Variants in PTPN14 observed in about 807,000 individuals in gnomAD.
PTPN14 encodes the protein protein tyrosine phosphatase non-receptor type 14.
A neutral mutation model predicts 126.8 loss-of-function variants in PTPN14; 53 were observed. The ratio of observed to expected loss-of-function variants is 0.42; its 90% CI spans 0.34 to 0.53. PTPN14 has a LOEUF of 0.53. Among genes scored for constraint, PTPN14 ranks in the 20% least tolerant of loss-of-function variants. The pLI is 0.08. For synonymous variants in PTPN14, 630 were observed against 599.3 expected (o/e 1.05, Z -0.75); for missense variants, 1,257 against 1,552.9 (o/e 0.81, Z 3.20).
At chr1:214,452,538 A>G (rs939289079) in intron 2 of PTPN14, among the ~76,000 whole-genome samples, 4 of 152,180 alleles carry the variant, frequency 2.6e-5, no homozygotes, top group Non-Finnish European at 5.9e-5. Flanking sequence ...ATTATACACG[A>G]ACTGCAGCAA....
chr1:214,445,674 G>A (rs1288663699), intron 3 of PTPN14, among the ~76,000 whole-genome samples: 2 of 152,070 alleles, frequency 1.3e-5, no homozygotes, highest in Non-Finnish European at 2.9e-5. Context: ...TTTCTCTTTA[G>A]TATTGAAGAA....
chr1:214,459,598 T>C (rs1157583645), intron 2 of PTPN14, among the ~76,000 whole-genome samples: 1 of 151,328 alleles, frequency 6.6e-6, no homozygotes, highest in African/African-American at 2.4e-5. Flanking sequence ...GCCTCCCAAA[T>C]AGCTGGGATT....
intron 18 of PTPN14, among the ~76,000 whole-genome samples, chr1:214,362,767 C>G (rs1657985814): frequency 6.6e-6 from 1 of 151,388 alleles, no homozygotes; most frequent in African/African-American, 2.4e-5. Flanking sequence ...ACTCAGGAGA[C>G]CGAGGTGGAA....
chr1:214,485,887 A>G (rs1454630158), intron 1 of PTPN14, among the ~76,000 whole-genome samples: 3 of 151,994 alleles, frequency 2.0e-5, no homozygotes, highest in Non-Finnish European at 4.4e-5. Context: ...CGCCACACCC[A>G]GCTAATTTTT....
chr1:214,374,368 T>C (rs1190134748), intron 15 of PTPN14, among the ~76,000 whole-genome samples: 1 of 152,204 alleles, frequency 6.6e-6, no homozygotes, highest in South Asian at 2.1e-4. Context: ...GGCTAGGAGT[T>C]TGGTTTATCC....
intron 2 of PTPN14, among the ~76,000 whole-genome samples, chr1:214,463,738 AG>A (rs771323674): frequency 1.1e-4 from 16 of 152,206 alleles, no homozygotes; most frequent in Non-Finnish European, 1.9e-4. Context: ...CCAAGAGCCC[AG>A]GGACCTAGGA....
intron 3 of PTPN14, among the ~76,000 whole-genome samples, chr1:214,418,840 G>A (rs891585509): frequency 6.6e-6 from 1 of 152,210 alleles, no homozygotes; most frequent in African/African-American, 2.4e-5. Context: ...GAGATAGAAG[G>A]AAGGGAAAGA....
At chr1:214,488,282 G>T (rs11120338) in intron 1 of PTPN14, among the ~76,000 whole-genome samples, 94,159 of 152,028 alleles carry the variant, frequency 0.62, 29,561 homozygotes, top group Middle Eastern at 0.72. Flanking sequence ...AATAGAAATT[G>T]ATTATTACAA....
At chr1:214,421,184 C>T (rs753533753) in intron 3 of PTPN14, among the ~76,000 whole-genome samples, 37 of 152,246 alleles carry the variant, frequency 2.4e-4, no homozygotes, top group Non-Finnish European at 4.7e-4. Flanking sequence ...AAACAAAATG[C>T]GGTCTCTTCA....
chr1:214,467,549 G>T (rs1198456479), intron 1 of PTPN14, among the ~76,000 whole-genome samples: 1 of 132,590 alleles, frequency 7.5e-6, no homozygotes, highest in African/African-American at 3.0e-5. Flanking sequence ...ATGTATAGAT[G>T]ATTGGAATTT....
At chr1:214,400,056 T>C (rs1263728867) in intron 7 of PTPN14, among the ~76,000 whole-genome samples, 1 of 152,184 alleles carries the variant, frequency 6.6e-6, no homozygotes. Context: ...GCTGTTCTAC[T>C]CTTGAAAATT....
intron 1 of PTPN14, among the ~76,000 whole-genome samples, chr1:214,521,896 T>G (rs933369409): frequency 3.0e-4 from 46 of 152,008 alleles, no homozygotes; most frequent in African/African-American, 8.2e-4. Flanking sequence ...TTTTGTTGTT[T>G]TTTTTTTTAC....
intron 13 of PTPN14, among the ~76,000 whole-genome samples, chr1:214,382,601 G>A (rs1056732912): frequency 6.6e-6 from 1 of 152,094 alleles, no homozygotes; most frequent in Non-Finnish European, 1.5e-5. Context: ...CAAGTAGCTG[G>A]GACTACAGGT....
In PTPN14 at chr1:214,369,761, T is replaced by C. The variant is rs185882746; in HGVS notation, c.3037-70A>G. ...CTCTCATCCTTTTAATCCTAAGATATGAAGACAGAAGAAAATGCAAATAGC... is the reference window on the plus strand; with the variant it reads ...CTCTCATCCTTTTAATCCTAAGATACGAAGACAGAAGAAAATGCAAATAGC... On this transcript the variant is annotated intron_variant, in intron 16 of 18. Transcript: ENST00000366956. 1.9e-4 allele frequency: 259 copies of C among 1,384,272 alleles called. 1 individual carries two copies. The highest frequency in any genetic ancestry group is 6.4e-5 in the Non-Finnish European group (62 of 975,088). The allele number at this position is 1,384,272 out of a possible 1,614,324, so 85.7% of individuals were successfully genotyped here. A position where few individuals can be genotyped will look rare whatever the true frequency, so the allele number is the denominator to read the frequency against.
intron 18 of PTPN14, among the ~76,000 whole-genome samples, chr1:214,362,278 T>C (rs1489448274): frequency 6.6e-6 from 1 of 152,234 alleles, no homozygotes; most frequent in Non-Finnish European, 1.5e-5. Context: ...AGACTGGCTA[T>C]ATTTGTGCTA....
At chr1:214,414,812 A>C (rs912740084) in intron 3 of PTPN14, 86 bp from the exon 4 acceptor site, 16 of 1,062,846 alleles carry the variant, frequency 1.5e-5, no homozygotes, top group Admixed American at 1.0e-4. Flanking sequence ...TAGATGTAAA[A>C]CCTTGTGTAC....
At chr1:214,536,481 T>C (rs1444399051) in intron 1 of PTPN14, among the ~76,000 whole-genome samples, 2 of 152,036 alleles carry the variant, frequency 1.3e-5, no homozygotes, top group Non-Finnish European at 2.9e-5. Context: ...ACTACAAATA[T>C]TAGTTATTAA....
chr1:214,393,943 G>A (rs1157077546), intron 9 of PTPN14, among the ~76,000 whole-genome samples, 166 bp from the exon 10 acceptor site: 1 of 152,224 alleles, frequency 6.6e-6, no homozygotes, highest in African/African-American at 2.4e-5. Flanking sequence ...TTCAGCAGCA[G>A]CTATGCCTAC....
intron 1 of PTPN14, among the ~76,000 whole-genome samples, chr1:214,520,504 T>C (rs1159837557): frequency 6.6e-6 from 1 of 152,132 alleles, no homozygotes; most frequent in Non-Finnish European, 1.5e-5. Flanking sequence ...AGAATTTAAA[T>C]ACTTCAGGAT....
Sources: gnomAD v4.1 joint callset for allele counts (sites outside exome capture counted in the v4.1 genomes callset) on GRCh38, gnomAD v4.1.1 for gene constraint, MANE v1.5 for transcripts, NCBI Gene and HGNC (gene_info 2026-07-23, HGNC 2026-07-21) for gene names.